Variants in EXOC6B observed in about 807,000 individuals in gnomAD.
EXOC6B encodes SEC15 homolog B.
In EXOC6B, 54 loss-of-function variants were observed where a neutral mutation model predicts 113.5. That is an observed-to-expected ratio of 0.48 (90% CI 0.38 to 0.60). The LOEUF is 0.60. EXOC6B is among the 20% of genes least tolerant of loss of function. EXOC6B has a pLI of 0.00. For missense variants in EXOC6B, 797 were observed against 977.5 expected (o/e 0.82, Z 2.46); for synonymous variants, 357 against 339.0 (o/e 1.05, Z -0.58).
At chr2:72,636,033 A>G (rs1672792420) in intron 6 of EXOC6B, among the ~76,000 whole-genome samples, 1 of 152,266 alleles carries the variant, frequency 6.6e-6, no homozygotes, top group Non-Finnish European at 1.5e-5. Context: ...CCTAAGCAAC[A>G]TAGGCTTAGG....
At chr2:72,310,137 A>G (rs1332363759) in intron 20 of EXOC6B, among the ~76,000 whole-genome samples, 1 of 152,094 alleles carries the variant, frequency 6.6e-6, no homozygotes, top group East Asian at 1.9e-4. Flanking sequence ...GTTTTCAATA[A>G]TTTTCAGTAT....
chr2:72,197,222 C>T (rs1277741853), intron 20 of EXOC6B, among the ~76,000 whole-genome samples: 2 of 152,140 alleles, frequency 1.3e-5, no homozygotes, highest in Non-Finnish European at 2.9e-5. Context: ...AGGTAGGTAC[C>T]TCCATTTTAT....
intron 6 of EXOC6B, among the ~76,000 whole-genome samples, chr2:72,577,376 C>T (rs1040372382): frequency 6.6e-6 from 1 of 152,018 alleles, no homozygotes; most frequent in Non-Finnish European, 1.5e-5. Flanking sequence ...GACTCCGGGG[C>T]ACAAAGGAAG....
chr2:72,350,039 C>T (rs1367391499), intron 19 of EXOC6B, among the ~76,000 whole-genome samples: 2 of 152,006 alleles, frequency 1.3e-5, no homozygotes, highest in African/African-American at 4.8e-5. Flanking sequence ...CAGTACAACT[C>T]GATATTGGGT....
At chr2:72,563,786 A>C (rs950405007) in intron 7 of EXOC6B, among the ~76,000 whole-genome samples, 3 of 152,258 alleles carry the variant, frequency 2.0e-5, no homozygotes, top group Non-Finnish European at 1.5e-5. Flanking sequence ...GTTCAGGTAA[A>C]AGAAAGTCTC....
At chr2:72,310,381 A>G (rs1313170791) in intron 20 of EXOC6B, among the ~76,000 whole-genome samples, 2 of 152,166 alleles carry the variant, frequency 1.3e-5, no homozygotes, top group Admixed American at 6.5e-5. Flanking sequence ...CATTTCCCTA[A>G]TGACTAATGA....
At chr2:72,778,519 G>A (rs887129896) in intron 1 of EXOC6B, among the ~76,000 whole-genome samples, 9 of 152,146 alleles carry the variant, frequency 5.9e-5, no homozygotes, top group African/African-American at 1.9e-4. Context: ...ACTCTTTGGT[G>A]CCTGCATAGG....
chr2:72,193,862 T>C (rs1399577162), intron 20 of EXOC6B, among the ~76,000 whole-genome samples: 1 of 152,216 alleles, frequency 6.6e-6, no homozygotes, highest in African/African-American at 2.4e-5. Flanking sequence ...CCTGCTTTTT[T>C]CTAGATCAGA....
chr2:72,376,199 A>AT (rs1324551204), intron 19 of EXOC6B, among the ~76,000 whole-genome samples: 2 of 152,174 alleles, frequency 1.3e-5, no homozygotes, highest in Admixed American at 6.5e-5. Flanking sequence ...ATATACTATC[A>AT]TTTCCATTTA....
intron 6 of EXOC6B, among the ~76,000 whole-genome samples, chr2:72,714,268 T>C (rs1251647485): frequency 6.6e-6 from 1 of 152,186 alleles, no homozygotes; most frequent in Non-Finnish European, 1.5e-5. Flanking sequence ...ATGGGTTTAG[T>C]GGTCAGGCAG....
intron 1 of EXOC6B, among the ~76,000 whole-genome samples, chr2:72,743,079 C>G (rs1399869991): frequency 1.3e-5 from 2 of 152,156 alleles, no homozygotes; most frequent in Admixed American, 1.3e-4. Context: ...GACTCCTAAT[C>G]TATCTCCTTC....
intron 17 of EXOC6B, among the ~76,000 whole-genome samples, chr2:72,475,265 G>T (rs922657927): frequency 1.3e-5 from 2 of 152,106 alleles, no homozygotes; most frequent in African/African-American, 4.8e-5. Context: ...CAGTAGGTGG[G>T]GTGGGTGGGG....
chr2:72,232,596 G>A (rs1681695746), intron 20 of EXOC6B, among the ~76,000 whole-genome samples: 1 of 152,046 alleles, frequency 6.6e-6, no homozygotes, highest in Non-Finnish European at 1.5e-5. Flanking sequence ...ATTAAAAATT[G>A]TACTTTAAAA....
intron 1 of EXOC6B, among the ~76,000 whole-genome samples, chr2:72,806,837 C>T (rs989164985): frequency 2.6e-5 from 4 of 151,248 alleles, no homozygotes; most frequent in East Asian, 1.9e-4. Context: ...TGTCTTCTTT[C>T]GAAAAGTGTT....
chr2:72,746,279 T>C (rs1430924594), intron 1 of EXOC6B, among the ~76,000 whole-genome samples: 2 of 152,056 alleles, frequency 1.3e-5, no homozygotes, highest in Admixed American at 1.3e-4. Flanking sequence ...GTAAAGTATA[T>C]ACTTTACTAT....
At chr2:72,461,262 G>C (rs192534980) in intron 18 of EXOC6B, among the ~76,000 whole-genome samples, 2 of 149,384 alleles carry the variant, frequency 1.3e-5, no homozygotes, top group Non-Finnish European at 3.0e-5. Flanking sequence ...AATGCTAAAT[G>C]ACGAGTTAAT....
At chr2:72,239,457 C>A (rs553880402) in intron 20 of EXOC6B, among the ~76,000 whole-genome samples, 1 of 152,284 alleles carries the variant, frequency 6.6e-6, no homozygotes, top group African/African-American at 2.4e-5. Context: ...ACTGAATTGT[C>A]TTTGCATACT....
At chr2:72,534,364 CA>C (rs1483365696) in intron 8 of EXOC6B, among the ~76,000 whole-genome samples, 1 of 151,960 alleles carries the variant, frequency 6.6e-6, no homozygotes, top group Non-Finnish European at 1.5e-5. Context: ...GAATATTTCA[CA>C]AAGGCCACAG....
At chr2:72,364,577 C>T (rs1158224470) in intron 19 of EXOC6B, among the ~76,000 whole-genome samples, 4 of 152,084 alleles carry the variant, frequency 2.6e-5, no homozygotes, top group African/African-American at 9.7e-5. Context: ...TCATTAAATG[C>T]TCTTTTAGTC....
Sources: gnomAD v4.1 joint callset for allele counts (sites outside exome capture counted in the v4.1 genomes callset) on GRCh38, gnomAD v4.1.1 for gene constraint, MANE v1.5 for transcripts, NCBI Gene and HGNC (gene_info 2026-07-23, HGNC 2026-07-21) for gene names.